The following ENOX2 variants were observed in gnomAD, a reference collection of about 807,000 sequenced individuals.
The protein encoded by ENOX2 is ecto-NOX disulfide-thiol exchanger 2.
Under a neutral mutation model 45.0 loss-of-function variants are expected in ENOX2, and 36 were observed. The ratio of observed to expected loss-of-function variants is 0.80; its 90% CI spans 0.61 to 1.06. The LOEUF is 1.06. Ranked by LOEUF, ENOX2 falls within the 50% of genes least tolerant of loss-of-function variation. ENOX2 has a pLI of 0.00. For synonymous variants in ENOX2, 174 were observed against 152.3 expected (o/e 1.14, Z -1.05); for missense variants, 423 against 462.5 (o/e 0.91, Z 0.78).
intron 2 of ENOX2, among the ~76,000 whole-genome samples, chrX:130,814,875 C>A (rs1166647589): frequency 3.6e-5 from 4 of 111,497 alleles, no homozygotes; most frequent in Non-Finnish European, 7.5e-5. Flanking sequence ...CAGCAGAGAA[C>A]AAAACTGGAC....
At chrX:130,734,048 A>G (rs2038804070) in intron 3 of ENOX2, among the ~76,000 whole-genome samples, 1 of 112,555 alleles carries the variant, frequency 8.9e-6, no homozygotes, top group African/African-American at 3.2e-5. Context: ...GCCATTTGCA[A>G]TACAGTTCAG....
intron 3 of ENOX2, among the ~76,000 whole-genome samples, chrX:130,737,507 ACATAGCTTCCAGAT>A (rs2038890097): frequency 8.9e-6 from 1 of 112,634 alleles, no homozygotes; most frequent in Non-Finnish European, 1.9e-5. Flanking sequence ...CTTCCAAAAT[ACATAGCTTCCAGAT>A]CACCCCAATC....
intron 2 of ENOX2, among the ~76,000 whole-genome samples, chrX:130,867,434 T>C (rs2148546477): frequency 8.9e-6 from 1 of 112,030 alleles, no homozygotes; most frequent in East Asian, 2.8e-4. Flanking sequence ...GGGGCTTTGT[T>C]ATATTAAAAC....
At chrX:130,826,378 C>T (rs1369725617) in intron 2 of ENOX2, among the ~76,000 whole-genome samples, 1 of 111,668 alleles carries the variant, frequency 9.0e-6, no homozygotes, top group African/African-American at 3.2e-5. Flanking sequence ...TAGTCGTTCA[C>T]CATATGTATT....
At chrX:130,866,859 A>AT (rs998375404) in intron 2 of ENOX2, among the ~76,000 whole-genome samples, 13 of 103,816 alleles carry the variant, frequency 1.3e-4, no homozygotes, top group East Asian at 3.0e-4. Flanking sequence ...TGTTAACCCC[A>AT]TTTTTTTTTT....
At chrX:130,699,496 C>T (rs2037844553) in intron 4 of ENOX2, among the ~76,000 whole-genome samples, 2 of 111,694 alleles carry the variant, frequency 1.8e-5, no homozygotes, top group Non-Finnish European at 3.8e-5. Context: ...TAGGAAACCT[C>T]CTGAGAAGCA....
chrX:130,902,379 C>T (rs2079157514), intron 1 of ENOX2, among the ~76,000 whole-genome samples: 1 of 111,226 alleles, frequency 9.0e-6, no homozygotes, highest in Admixed American at 9.5e-5. Flanking sequence ...ACACACATTT[C>T]TCAAAAGCAA....
chrX:130,814,779 G>A (rs1191672648), intron 2 of ENOX2, among the ~76,000 whole-genome samples: 3 of 111,645 alleles, frequency 2.7e-5, no homozygotes, highest in African/African-American at 9.8e-5. Flanking sequence ...ATAAATCCAC[G>A]AAGATGAGGA....
At chrX:130,694,600 CTTT>C (rs1176052103) in intron 4 of ENOX2, among the ~76,000 whole-genome samples, 1 of 86,188 alleles carries the variant, frequency 1.2e-5, no homozygotes, top group Non-Finnish European at 2.3e-5. Flanking sequence ...CTTTTCTTTT[CTTT>C]TTTTTTTTTT....
chrX:130,852,738 A>G (rs1490224667), intron 2 of ENOX2, among the ~76,000 whole-genome samples: 1 of 111,419 alleles, frequency 9.0e-6, no homozygotes, highest in African/African-American at 3.3e-5. Flanking sequence ...CAAGCTGAAG[A>G]TCATCTACTA....
chrX:130,898,218 G>A (rs368989717), intron 2 of ENOX2, among the ~76,000 whole-genome samples: 361 of 111,498 alleles, frequency 3.2e-3, no homozygotes, highest in African/African-American at 0.011. Flanking sequence ...ATGGTGGCCA[G>A]CCTGGTCTCA....
At chrX:130,686,921 C>T (rs1013351273) in intron 5 of ENOX2, among the ~76,000 whole-genome samples, 2 of 111,587 alleles carry the variant, frequency 1.8e-5, no homozygotes, top group African/African-American at 3.3e-5. Flanking sequence ...GCTAGTTGCC[C>T]CGTAAGCATT....
intron 3 of ENOX2, among the ~76,000 whole-genome samples, chrX:130,733,637 G>A (rs138456845): frequency 3.6e-5 from 4 of 112,451 alleles, no homozygotes; most frequent in African/African-American, 1.3e-4. Flanking sequence ...GGATACACAC[G>A]ATTATTCAAA....
intron 2 of ENOX2, among the ~76,000 whole-genome samples, chrX:130,832,172 C>T (rs1378174132): frequency 9.0e-6 from 1 of 110,803 alleles, no homozygotes; most frequent in Non-Finnish European, 1.9e-5. Context: ...TCTCACTATA[C>T]ATGCTTGGAC....
chrX:130,727,960 C>T (rs1370564036), intron 3 of ENOX2, among the ~76,000 whole-genome samples: 2 of 111,787 alleles, frequency 1.8e-5, no homozygotes, highest in East Asian at 2.8e-4. Context: ...CCAAATTCAC[C>T]CTTGTTGCCT....
intron 2 of ENOX2, among the ~76,000 whole-genome samples, chrX:130,840,325 C>A (rs1427927593): frequency 4.6e-5 from 5 of 109,777 alleles, no homozygotes; most frequent in Non-Finnish European, 7.6e-5. Flanking sequence ...GCCTTATGTT[C>A]AAATTATTAG....
intron 2 of ENOX2, among the ~76,000 whole-genome samples, chrX:130,820,906 A>T (rs2077585102): frequency 8.9e-6 from 1 of 112,120 alleles, no homozygotes; most frequent in Non-Finnish European, 1.9e-5. Flanking sequence ...TGGTGACTAC[A>T]GTTAATAATA....
At chrX:130,659,258 G>T (rs2036622392) in intron 9 of ENOX2, among the ~76,000 whole-genome samples, 1 of 111,522 alleles carries the variant, frequency 9.0e-6, no homozygotes, top group Admixed American at 9.5e-5. Context: ...ATTTTATCAG[G>T]AAAAATAATG....
intron 2 of ENOX2, among the ~76,000 whole-genome samples, chrX:130,875,967 T>C (rs1198676717): frequency 2.7e-5 from 3 of 111,865 alleles, no homozygotes; most frequent in Non-Finnish European, 5.7e-5. Flanking sequence ...GTTGACAAGA[T>C]TGTGGACAAA....
Sources: allele counts gnomAD v4.1 joint callset (sites outside exome capture counted in the v4.1 genomes callset), GRCh38; gene constraint gnomAD v4.1.1; transcripts MANE v1.5; gene names NCBI Gene and HGNC (gene_info 2026-07-23, HGNC 2026-07-21).